The following AUTS2 variants were observed in gnomAD, a reference collection of about 807,000 sequenced individuals.
AUTS2 encodes the protein activator of transcription and developmental regulator AUTS2, also known as autism susceptibility gene 2 protein.
AUTS2 carries 17 observed loss-of-function variants against 112.4 expected under a neutral mutation model. That is an observed-to-expected ratio of 0.15 (90% CI 0.10 to 0.23). The LOEUF (loss-of-function observed/expected upper bound fraction) is 0.23, where lower values mean the gene tolerates loss of function less well. AUTS2 is among the 10% of genes least tolerant of loss of function. The pLI is 1.00. For missense variants in AUTS2, 1,510 were observed against 1,701.6 expected (o/e 0.89, Z 1.98); for synonymous variants, 751 against 702.7 (o/e 1.07, Z -1.09).
At chr7:69,842,091 A>G (rs761458154) in intron 1 of AUTS2, among the ~76,000 whole-genome samples, 16 of 152,172 alleles carry the variant, frequency 1.1e-4, no homozygotes, top group Non-Finnish European at 1.8e-4. Flanking sequence ...GGAAAAGTTT[A>G]TATGTAATTT....
intron 1 of AUTS2, among the ~76,000 whole-genome samples, chr7:69,627,523 A>C (rs1020035591): frequency 2.0e-5 from 3 of 152,056 alleles, no homozygotes; most frequent in Admixed American, 6.5e-5. Flanking sequence ...ACAAAAAAAA[A>C]CAATAAAAAA....
chr7:69,762,846 T>G (rs1788252486), intron 1 of AUTS2, among the ~76,000 whole-genome samples: 1 of 152,204 alleles, frequency 6.6e-6, no homozygotes, highest in Non-Finnish European at 1.5e-5. Context: ...TTCCCTTGTG[T>G]CATGTGAGCT....
At position 70,059,865 on chromosome 7, in the gene AUTS2, G is replaced by A. The variant is rs572711415; in HGVS notation, c.523-58267G>A. Among the ~76,000 whole-genome samples the A allele has an allele frequency of 3.9e-5, 6 of 152,256 alleles. No individual in the cohort carries two copies. In the South Asian group the frequency reaches 1.2e-3, roughly 32 times the overall value. On this transcript the variant is annotated intron_variant, in intron 2 of 18. Coordinates refer to ENST00000342771, the MANE Select transcript of AUTS2 (RefSeq NM_015570.4). ...TTTATTTAAGCAGCTAGTCAAGCTCGCTTAGTTCCAAATAGCTGCTTGACC... is the reference window on the plus strand; with the variant it reads ...TTTATTTAAGCAGCTAGTCAAGCTCACTTAGTTCCAAATAGCTGCTTGACC...
Position 70,789,921 on chromosome 7 carries a change from A to G in AUTS2, c.2705A>G (p.Lys902Arg), listed in dbSNP as rs763718023. Residue 902 changes from lysine (K) to arginine (R), a missense_variant, in exon 19 of 19, where the codon AAG (lysine) becomes AGG (arginine). Physicochemically the swap from Lys to Arg is conservative, Grantham distance 26. Coordinates refer to ENST00000342771, the MANE Select transcript of AUTS2 (RefSeq NM_015570.4). ...ERERDHSESR[K>R]DLAADEHKAK... is the part of the protein sequence containing the mutation. ...GAGAGAGACCACTCGGAATCCCGCA[A>G]GGACCTGGCCGCCGACGAGCACAAG... The G allele has an allele frequency of 3.1e-6, 5 of 1,614,094 alleles. No homozygotes were observed. The highest frequency in any genetic ancestry group is 3.3e-5 in the Admixed American group (2 of 60,026).
At chr7:69,613,598 T>C (rs1793158426) in intron 1 of AUTS2, among the ~76,000 whole-genome samples, 1 of 152,170 alleles carries the variant, frequency 6.6e-6, no homozygotes. Context: ...TAAAAGTAGC[T>C]CTCTGGAACA....
intron 2 of AUTS2, among the ~76,000 whole-genome samples, chr7:70,028,538 A>T (rs1245157807): frequency 6.6e-6 from 1 of 152,128 alleles, no homozygotes; most frequent in East Asian, 1.9e-4. Flanking sequence ...TGTATCCAGC[A>T]TCTTGTCTCT....
chr7:70,446,419 G>A (rs994814612), intron 5 of AUTS2, among the ~76,000 whole-genome samples: 2 of 152,160 alleles, frequency 1.3e-5, no homozygotes, highest in African/African-American at 4.8e-5. Context: ...GTGTGCTGGC[G>A]AAGGGAACGG....
chr7:69,999,004 A>G (rs1165193398), intron 2 of AUTS2, among the ~76,000 whole-genome samples: 3 of 152,156 alleles, frequency 2.0e-5, no homozygotes, highest in Non-Finnish European at 2.9e-5. Flanking sequence ...TCTGAGTGCT[A>G]TGTGATATGT....
intron 4 of AUTS2, among the ~76,000 whole-genome samples, chr7:70,175,167 T>C (rs1046459541): frequency 6.6e-6 from 1 of 152,080 alleles, no homozygotes; most frequent in African/African-American, 2.4e-5. Context: ...TTAATGGATG[T>C]CTTTGAGGTG....
At chr7:69,806,198 T>TA (rs1790298199) in intron 1 of AUTS2, among the ~76,000 whole-genome samples, 1 of 56,216 alleles carries the variant, frequency 1.8e-5, no homozygotes, top group African/African-American at 9.1e-5. Flanking sequence ...CAGCCAAGGC[T>TA]TTTTTTTTTT....
At chr7:70,313,632 T>C (rs1789858455) in intron 4 of AUTS2, among the ~76,000 whole-genome samples, 1 of 152,200 alleles carries the variant, frequency 6.6e-6, no homozygotes, top group South Asian at 2.1e-4. Context: ...CTCACAGTAG[T>C]TCAGCTGTGG....
intron 5 of AUTS2, among the ~76,000 whole-genome samples, chr7:70,482,922 AAGG>A (rs1797845899): frequency 6.6e-6 from 1 of 152,194 alleles, no homozygotes; most frequent in Non-Finnish European, 1.5e-5. Context: ...TATCTACTCA[AAGG>A]AGGATAATTG....
At chr7:70,442,693 G>C (rs1796168106) in intron 5 of AUTS2, among the ~76,000 whole-genome samples, 1 of 152,056 alleles carries the variant, frequency 6.6e-6, no homozygotes, top group Non-Finnish European at 1.5e-5. Context: ...TCACCATGTT[G>C]GCCAGGCTGA....
intron 1 of AUTS2, among the ~76,000 whole-genome samples, chr7:69,867,805 T>A (rs1793302548): frequency 6.6e-6 from 1 of 152,158 alleles, no homozygotes; most frequent in Admixed American, 6.6e-5. Context: ...TCCTCCTAAA[T>A]TAAACCAACA....
intron 4 of AUTS2, among the ~76,000 whole-genome samples, chr7:70,249,251 T>C (rs1477312011): frequency 6.6e-6 from 1 of 152,232 alleles, no homozygotes; most frequent in Non-Finnish European, 1.5e-5. Flanking sequence ...TTGCGTAACC[T>C]GCTTAGGATT....
At chr7:69,940,559 G>T (rs772542485) in intron 2 of AUTS2, among the ~76,000 whole-genome samples, 37 of 152,264 alleles carry the variant, frequency 2.4e-4, no homozygotes, top group African/African-American at 8.9e-4. Context: ...GAAGTCCTCC[G>T]TAGGTCCCAC....
intron 2 of AUTS2, among the ~76,000 whole-genome samples, chr7:69,977,462 A>G (rs1798107499): frequency 6.6e-6 from 1 of 152,160 alleles, no homozygotes; most frequent in South Asian, 2.1e-4. Flanking sequence ...GCATTTTTCT[A>G]TTTCTGCTAA....
chr7:69,636,274 A>G (rs1423327136), intron 1 of AUTS2, among the ~76,000 whole-genome samples: 3 of 152,266 alleles, frequency 2.0e-5, no homozygotes, highest in Admixed American at 6.5e-5. Context: ...TCTGTCGCCC[A>G]GGCTGGAGTG....
At chr7:69,828,181 T>G (rs1229533468) in intron 1 of AUTS2, among the ~76,000 whole-genome samples, 2 of 152,216 alleles carry the variant, frequency 1.3e-5, no homozygotes, top group Non-Finnish European at 1.5e-5. Context: ...TCTTGATTAG[T>G]CTATTCCAGT....
Sources: allele counts gnomAD v4.1 joint callset (sites outside exome capture counted in the v4.1 genomes callset), GRCh38; gene constraint gnomAD v4.1.1; transcripts MANE v1.5; gene names NCBI Gene and HGNC (gene_info 2026-07-23, HGNC 2026-07-21).